Variants in PDCD6IP observed in about 807,000 individuals in gnomAD.
PDCD6IP encodes the protein programmed cell death 6 interacting protein.
PDCD6IP carries 43 observed loss-of-function variants against 103.7 expected under a neutral mutation model. The observed-to-expected ratio is 0.41, with a 90% CI of 0.32 to 0.53. PDCD6IP has a LOEUF of 0.53. Ranked by LOEUF, PDCD6IP falls within the 20% of genes least tolerant of loss-of-function variation. PDCD6IP has a pLI of 0.16. For synonymous variants in PDCD6IP, 354 were observed against 378.7 expected, an observed-to-expected ratio of 0.93 and a Z score of 0.76; for missense variants, 871 against 1,036.7, an observed-to-expected ratio of 0.84 and a Z score of 2.20.
Position 33,812,066 on chromosome 3 carries a change from T to G in PDCD6IP, c.210-6T>G. 1 of 1,591,110 alleles carries G rather than the reference T, an allele frequency of 6.3e-7. No homozygotes were observed. The highest frequency in any genetic ancestry group is 8.5e-7 in the Non-Finnish European group (1 of 1,170,368). On this transcript the variant is annotated splice_region_variant and splice_polypyrimidine_tract_variant and intron_variant, in intron 1 of 17. Coordinates refer to ENST00000307296, the MANE Select transcript of PDCD6IP (RefSeq NM_013374.6). The stretch of plus-strand genomic sequence containing the variant: ...TGGTAATTATTAATTCTGCTCTATT[T>G]TTTAGATATTATGATCAGATTTGTT...
Position 33,864,010 on chromosome 3 carries a change from T to G in PDCD6IP, c.2125T>G (p.Leu709Val). The change falls in exon 16 of 18, where the codon TTG (leucine) becomes GTG (valine). Residue 709 changes from leucine (L) to valine (V), a missense_variant. Leu to Val is a conservative substitution (Grantham distance 32). Transcript: ENST00000307296. ...TAACACTCTGTCTTTGATAAGGGAC[T>G]TGCAACAAAGCATTGCCAGAGAACC... ...KTERDELLKD[L>V]QQSIAREPSA... 6.2e-7 allele frequency: 1 copy of G among 1,611,080 alleles called. No homozygotes were observed. The highest frequency in any genetic ancestry group is 8.5e-7 in the Non-Finnish European group (1 of 1,177,520).
Position 33,845,485 on chromosome 3 carries a change from A to G in PDCD6IP, c.1538A>G (p.Tyr513Cys), listed in dbSNP as rs1697572346. 1 of 1,613,916 alleles carries G rather than the reference A, an allele frequency of 6.2e-7. No homozygotes were observed. The highest frequency in any genetic ancestry group is 8.5e-7 in the Non-Finnish European group (1 of 1,179,752). ...VQADGQVKEC[Y>C]QSHRDTIVLL... ...GCAGATGGACAAGTGAAAGAATGTT[A>G]CCAGTCTCATCGTGACACCATCGTG... Residue 513 changes from tyrosine (Y) to cysteine (C), a missense_variant, in exon 12 of 18, where the codon TAC becomes TGC. Tyr to Cys is a radical substitution (Grantham distance 194, BLOSUM62 -2). Around this residue, in one of 5 missense-constraint regions of PDCD6IP, gnomAD observed 266 missense variants for 390.5 expected, o/e 0.68. Coordinates refer to ENST00000307296, the MANE Select transcript of PDCD6IP (RefSeq NM_013374.6).
rs1698123302 is a variant in PDCD6IP, at chr3:33,868,794, A to G, written c.*2269A>G. ...GACCATTTATGCTGAGCTTTGGAAT[A>G]CTATTTTAAACTGGATTGTACTTAA... On this transcript the variant is annotated 3_prime_UTR_variant, in exon 18 of 18. Transcript: ENST00000307296. The G allele has an allele frequency of 6.6e-6, 1 of 152,228 alleles. No homozygotes were observed. Among genetic ancestry groups the G allele is most frequent in the East Asian group, 1.9e-4 (1 of 5,202 alleles). 9.4% of individuals were successfully genotyped at this position (152,228 alleles called of 1,614,324 possible). A position where few individuals can be genotyped will look rare whatever the true frequency, so the allele number is the denominator to read the frequency against.
intron 12 of PDCD6IP, among the ~76,000 whole-genome samples, 183 bp downstream of exon 12, chr3:33,845,771 C>T (rs1480215645): frequency 1.3e-5 from 2 of 152,098 alleles, no homozygotes; most frequent in Admixed American, 1.3e-4. Flanking sequence ...TATTAACTGT[C>T]CTGTAATAGT....
At chr3:33,826,987 A>G in intron 6 of PDCD6IP, 5 of 992,096 alleles carry the variant, frequency 5.0e-6, no homozygotes, top group Non-Finnish European at 6.0e-6. Context: ...TTAAAGCGCA[A>G]AAACAGACAT....
At chr3:33,809,991 T>G (rs1696680827) in intron 1 of PDCD6IP, among the ~76,000 whole-genome samples, 1 of 152,248 alleles carries the variant, frequency 6.6e-6, no homozygotes, top group African/African-American at 2.4e-5. Context: ...TTTTTATCGC[T>G]TGGTTAAGAT....
At chr3:33,846,175 GAT>G (rs1697587780) in intron 12 of PDCD6IP, among the ~76,000 whole-genome samples, 1 of 152,200 alleles carries the variant, frequency 6.6e-6, no homozygotes, top group South Asian at 2.1e-4. Context: ...AGTAGGAAAA[GAT>G]AGAGGTCCCA....
intron 1 of PDCD6IP, chr3:33,811,164 C>T (rs530150648): frequency 3.2e-4 from 117 of 361,176 alleles, no homozygotes; most frequent in South Asian, 1.5e-3. Flanking sequence ...GGATTACAGG[C>T]GTGATCTGCT....
At chr3:33,858,266 A>G (rs943244376) in intron 15 of PDCD6IP, among the ~76,000 whole-genome samples, 1 of 152,228 alleles carries the variant, frequency 6.6e-6, no homozygotes, top group African/African-American at 2.4e-5. Context: ...GGCTTGAGCA[A>G]GTTAAAAAAC....
At chr3:33,804,734 A>T (rs1287596592) in intron 1 of PDCD6IP, among the ~76,000 whole-genome samples, 1 of 152,232 alleles carries the variant, frequency 6.6e-6, no homozygotes, top group Non-Finnish European at 1.5e-5. Context: ...GCAGAACTGG[A>T]CTAAGATCCT....
chr3:33,858,895 G>A (rs1166083872), intron 15 of PDCD6IP, among the ~76,000 whole-genome samples: 1 of 151,976 alleles, frequency 6.6e-6, no homozygotes, highest in Non-Finnish European at 1.5e-5. Context: ...ATGCAAACAT[G>A]CTTTTGATTA....
chr3:33,826,882 TTC>T (rs139661014), intron 6 of PDCD6IP: 22,325 of 1,125,484 alleles, frequency 0.02, 261 homozygotes, highest in African/African-American at 0.053. Flanking sequence ...CATTGTGTAG[TTC>T]TGAATCATTG....
chr3:33,867,463 T>G lies in PDCD6IP; in HGVS notation c.*938T>G, dbSNP rs1447738309. The G allele has an allele frequency of 6.6e-6, 1 of 152,188 alleles. No individual in the cohort carries two copies. The highest frequency in any genetic ancestry group is 1.5e-5 in the Non-Finnish European group (1 of 68,032). The allele number at this position is 152,188 out of a possible 1,614,324, so 9.4% of individuals were successfully genotyped here. A position where few individuals can be genotyped will look rare whatever the true frequency, so the allele number is the denominator to read the frequency against. ...AACACTTACTGTACCCTCTCATCCT[T>G]TTTCCACCTTACTGTGTTAACTTAG... On this transcript the variant is annotated 3_prime_UTR_variant, in exon 18 of 18. Coordinates refer to ENST00000307296, the MANE Select transcript of PDCD6IP (RefSeq NM_013374.6).
At chr3:33,825,960 C>G (rs1441152850) in intron 5 of PDCD6IP, among the ~76,000 whole-genome samples, 4 of 151,992 alleles carry the variant, frequency 2.6e-5, no homozygotes, top group Non-Finnish European at 5.9e-5. Flanking sequence ...AGGCACAGTC[C>G]CTAGCCCTGG....
chr3:33,851,084 C>G (rs1423010280), intron 12 of PDCD6IP, among the ~76,000 whole-genome samples: 2 of 152,018 alleles, frequency 1.3e-5, no homozygotes, highest in African/African-American at 2.4e-5. Context: ...TTTGGACATT[C>G]CTATCAAGGA....
At position 33,812,124 on chromosome 3, in the gene PDCD6IP, C is replaced by G; in HGVS notation, c.262C>G (p.Gln88Glu). Reference protein sequence around the residue: ...IEPKFPFSENQICLTFTWKDA... With the variant: ...IEPKFPFSENEICLTFTWKDA... ...ACCCAAATTCCCATTTTCTGAAAAT[C>G]AGGTAAGTCATTAATTCTGTCTTAA... Residue 88 changes from glutamine (Q) to glutamate (E), a missense_variant and splice_region_variant, in exon 2 of 18, where the codon CAG becomes GAG. Coordinates refer to ENST00000307296, the MANE Select transcript of PDCD6IP (RefSeq NM_013374.6). The G allele has an allele frequency of 6.2e-7, 1 of 1,600,628 alleles. No individual in the cohort carries two copies.
intron 1 of PDCD6IP, 87 bp downstream of exon 1, chr3:33,799,024 T>C: frequency 8.0e-7 from 1 of 1,253,178 alleles, no homozygotes; most frequent in Middle Eastern, 2.8e-4. Context: ...TTCAATCCTG[T>C]AACCTGGGCG....
At chr3:33,856,713 T>C (rs959916678) in intron 15 of PDCD6IP, among the ~76,000 whole-genome samples, 5 of 152,094 alleles carry the variant, frequency 3.3e-5, no homozygotes, top group African/African-American at 9.7e-5. Flanking sequence ...CAGAATCCTT[T>C]AGGCAGTCAG....
intron 9 of PDCD6IP, among the ~76,000 whole-genome samples, chr3:33,839,212 G>A (rs911274122): frequency 2.0e-5 from 3 of 152,170 alleles, no homozygotes; most frequent in African/African-American, 7.2e-5. Context: ...CCCTTTCCCA[G>A]TCCTTCTTCT....
Sources: allele counts gnomAD v4.1 joint callset (sites outside exome capture counted in the v4.1 genomes callset), GRCh38; gene constraint gnomAD v4.1.1; regional missense constraint gnomAD v4.1.1; transcripts MANE v1.5; gene names NCBI Gene and HGNC (gene_info 2026-07-23, HGNC 2026-07-21).